Variants in ULK4 observed in about 807,000 individuals in gnomAD.
The protein encoded by ULK4 is inactive serine/threonine-protein kinase ULK4.
ULK4 carries 133 observed loss-of-function variants against 160.6 expected under a neutral mutation model. The ratio of observed to expected loss-of-function variants is 0.83; its 90% CI spans 0.72 to 0.96. The LOEUF (loss-of-function observed/expected upper bound fraction) is 0.96. Ranked by LOEUF, ULK4 falls within the 40% of genes least tolerant of loss-of-function variation. ULK4 has a pLI of 0.00. For missense variants in ULK4, 1,580 were observed against 1,499.5 expected, an observed-to-expected ratio of 1.05 and a Z score of -0.89; for synonymous variants, 534 against 539.8, an observed-to-expected ratio of 0.99 and a Z score of 0.15.
intron 31 of ULK4, among the ~76,000 whole-genome samples, chr3:41,602,690 G>A (rs926094387): frequency 1.2e-4 from 19 of 152,080 alleles, no homozygotes; most frequent in African/African-American, 4.3e-4. Context: ...TAATCATATA[G>A]TTTCAGAGCT....
At chr3:41,675,919 T>C (rs1436102742) in intron 29 of ULK4, among the ~76,000 whole-genome samples, 1 of 152,238 alleles carries the variant, frequency 6.6e-6, no homozygotes, top group Admixed American at 6.5e-5. Context: ...TTGGTTTATA[T>C]AATTTGTTAT....
At chr3:41,536,409 C>T (rs1444250850) in intron 32 of ULK4, among the ~76,000 whole-genome samples, 2 of 152,002 alleles carry the variant, frequency 1.3e-5, no homozygotes, top group African/African-American at 2.4e-5. Flanking sequence ...ACAGTTGACC[C>T]ATGAAAAATG....
intron 21 of ULK4, among the ~76,000 whole-genome samples, chr3:41,775,155 G>T (rs2039559287): frequency 6.7e-6 from 1 of 149,670 alleles, no homozygotes; most frequent in Non-Finnish European, 1.5e-5. Context: ...ACACCAACAT[G>T]GCACATGTAT....
At chr3:41,717,299 AAAAT>A (rs1293116554) in intron 23 of ULK4, among the ~76,000 whole-genome samples, 5 of 152,154 alleles carry the variant, frequency 3.3e-5, no homozygotes, top group South Asian at 4.1e-4. Flanking sequence ...CAAGGGAAAA[AAAAT>A]AAATAAAATC....
intron 35 of ULK4, among the ~76,000 whole-genome samples, chr3:41,280,441 A>G (rs918457827): frequency 5.9e-5 from 9 of 152,230 alleles, no homozygotes; most frequent in African/African-American, 2.2e-4. Context: ...AAAAGAACAG[A>G]AATCACAATA....
chr3:41,488,030 T>C (rs779891557), intron 32 of ULK4, among the ~76,000 whole-genome samples: 7 of 151,972 alleles, frequency 4.6e-5, no homozygotes, highest in Non-Finnish European at 1.0e-4. Flanking sequence ...AGACAACTAC[T>C]TGGAAGGGGA....
intron 18 of ULK4, among the ~76,000 whole-genome samples, chr3:41,832,662 T>TA (rs1395325553): frequency 1.3e-5 from 2 of 152,368 alleles, no homozygotes; most frequent in East Asian, 3.9e-4. Flanking sequence ...CTAGGGTTTT[T>TA]ATGGTTTTGG....
chr3:41,448,579 T>C (rs1030976597), intron 34 of ULK4, among the ~76,000 whole-genome samples: 1 of 152,166 alleles, frequency 6.6e-6, no homozygotes, highest in Non-Finnish European at 1.5e-5. Context: ...GACTGTACCA[T>C]GGAGAAGACA....
In ULK4 at chr3:41,715,260, G is replaced by T; in HGVS notation, c.2611C>A (p.Leu871Ile). ...ACAAGAATAGTTCCATAGCTGAAAA[G>T]AAACTCTTCTGTCACAACTTGAGGT... The part of the protein sequence containing the change: ...FRPQVVTEEF[L>I]FSYGTILSHI... Residue 871 changes from leucine to isoleucine, a missense_variant, in exon 25 of 37, where the codon CTT (leucine) becomes ATT (isoleucine). Leu to Ile is a conservative substitution (Grantham distance 5). Transcript: ENST00000301831. 6.2e-7 allele frequency: 1 copy of T among 1,613,448 alleles called. No homozygotes were observed. The highest frequency in any genetic ancestry group is 8.5e-7 in the Non-Finnish European group (1 of 1,179,954).
At chr3:41,904,647 GATTTT>G (rs1015627455) in intron 12 of ULK4, among the ~76,000 whole-genome samples, 37 of 152,016 alleles carry the variant, frequency 2.4e-4, no homozygotes, top group African/African-American at 8.7e-4. Flanking sequence ...AGCACAGTGA[GATTTT>G]ATTATAACCC....
intron 27 of ULK4, among the ~76,000 whole-genome samples, chr3:41,703,586 C>G (rs1484032535): frequency 6.6e-6 from 1 of 150,500 alleles, no homozygotes; most frequent in African/African-American, 2.4e-5. Flanking sequence ...AAATATTTAC[C>G]CCAAAAAGTT....
At chr3:41,255,906 A>G (rs774828667) in intron 35 of ULK4, among the ~76,000 whole-genome samples, 39 of 152,340 alleles carry the variant, frequency 2.6e-4, no homozygotes, top group Admixed American at 4.6e-4. Context: ...TAAAAACTGC[A>G]GAATATATAT....
At chr3:41,475,009 A>C (rs2084097157) in intron 32 of ULK4, among the ~76,000 whole-genome samples, 1 of 152,192 alleles carries the variant, frequency 6.6e-6, no homozygotes, top group Non-Finnish European at 1.5e-5. Flanking sequence ...ATAAGATTTG[A>C]AATCAACACA....
chr3:41,452,262 C>A (rs958648661), intron 34 of ULK4, among the ~76,000 whole-genome samples: 2 of 152,186 alleles, frequency 1.3e-5, no homozygotes, highest in African/African-American at 4.8e-5. Context: ...ATTAAGTCTG[C>A]ATTTCAAGTT....
intron 35 of ULK4, among the ~76,000 whole-genome samples, chr3:41,254,484 G>A (rs180881006): frequency 2.0e-5 from 3 of 152,246 alleles, no homozygotes; most frequent in Admixed American, 1.3e-4. Context: ...TCTGGAAGGG[G>A]GCTAAAGCAA....
chr3:41,367,969 T>C (rs1337685934), intron 35 of ULK4, among the ~76,000 whole-genome samples: 1 of 152,196 alleles, frequency 6.6e-6, no homozygotes, highest in Admixed American at 6.5e-5. Context: ...ATTATATGTT[T>C]AAGGAAGACA....
chr3:41,331,356 T>C (rs1335817020), intron 35 of ULK4, among the ~76,000 whole-genome samples: 1 of 152,240 alleles, frequency 6.6e-6, no homozygotes, highest in Non-Finnish European at 1.5e-5. Context: ...ACAGCTAATC[T>C]ACTCCAATTA....
intron 31 of ULK4, among the ~76,000 whole-genome samples, chr3:41,592,734 C>T (rs1173170424): frequency 2.0e-5 from 3 of 152,084 alleles, no homozygotes; most frequent in Admixed American, 6.5e-5. Flanking sequence ...ATCTGTAAAA[C>T]ACTTATGAAG....
At chr3:41,710,094 G>C in intron 25 of ULK4, among the ~76,000 whole-genome samples, 1 of 152,000 alleles carries the variant, frequency 6.6e-6, no homozygotes, top group Non-Finnish European at 1.5e-5. Context: ...CACATGTACT[G>C]TCTTTTTCAC....
Sources: allele counts gnomAD v4.1 joint callset (sites outside exome capture counted in the v4.1 genomes callset), GRCh38; gene constraint gnomAD v4.1.1; transcripts MANE v1.5; gene names NCBI Gene and HGNC (gene_info 2026-07-23, HGNC 2026-07-21).